The following PRKCA variants were observed in gnomAD, a reference collection of about 807,000 sequenced individuals.
PRKCA encodes protein kinase C alpha.
In PRKCA, 27 loss-of-function variants were observed where a neutral mutation model predicts 87.0. That is an observed-to-expected ratio of 0.31 (90% CI 0.23 to 0.43). The LOEUF (loss-of-function observed/expected upper bound fraction) is 0.43. PRKCA is among the 20% of genes least tolerant of loss of function. The pLI is 1.00. For missense variants in PRKCA, 518 were observed against 852.3 expected (o/e 0.61, Z 4.88); for synonymous variants, 329 against 311.1 (o/e 1.06, Z -0.61).
chr17:66,303,694 A>G (rs528339695), intron 1 of PRKCA, among the ~76,000 whole-genome samples: 1 of 152,224 alleles, frequency 6.6e-6, no homozygotes, highest in African/African-American at 2.4e-5. Flanking sequence ...ACAAGGGCAG[A>G]GGGACTCATT....
intron 3 of PRKCA, among the ~76,000 whole-genome samples, chr17:66,548,820 T>C (rs1968234106): frequency 1.3e-5 from 2 of 149,048 alleles, no homozygotes; most frequent in Admixed American, 6.7e-5. Context: ...TTTTTTTTTT[T>C]TGAAGCAGGC....
At chr17:66,303,155 CGCCCGGAGTGACACGCGCGCCCG>C (rs1897647654) in intron 1 of PRKCA, 131 bp downstream of exon 1, 1 of 1,263,168 alleles carries the variant, frequency 7.9e-7, no homozygotes, top group Admixed American at 2.9e-5. Context: ...CCGAACTCTT[CGCCCGGAGTGACACGCGCGCCCG>C]GCCCTGACAC....
chr17:66,592,581 A>G lies in PRKCA; in HGVS notation c.289-48774A>G, dbSNP rs532061296. Among the ~76,000 whole-genome samples, 3 of 152,304 alleles carry G rather than the reference A, an allele frequency of 2.0e-5. No homozygotes were observed. The South Asian group carries it at 6.2e-4, about 32-fold the overall frequency. Reference sequence around the variant, plus strand: ...ATGTACACAAAGAAAAGGAGATAAGATGACTTGGTCTGAGTGGCGTGGTAG... The same window carrying G: ...ATGTACACAAAGAAAAGGAGATAAGGTGACTTGGTCTGAGTGGCGTGGTAG... On this transcript the variant is annotated intron_variant, in intron 3 of 16. Transcript: ENST00000413366.
chr17:66,423,267 G>C (rs1912593538), intron 2 of PRKCA, among the ~76,000 whole-genome samples: 1 of 152,172 alleles, frequency 6.6e-6, no homozygotes, highest in South Asian at 2.1e-4. Context: ...ATGTCATCAA[G>C]CTGGTAGTAC....
At chr17:66,590,769 G>A (rs1210693873) in intron 3 of PRKCA, among the ~76,000 whole-genome samples, 2 of 152,092 alleles carry the variant, frequency 1.3e-5, no homozygotes, top group African/African-American at 4.8e-5. Flanking sequence ...AGAATCACTT[G>A]AACCCGGGAG....
intron 2 of PRKCA, among the ~76,000 whole-genome samples, chr17:66,454,850 G>T (rs75100786): frequency 0.023 from 3,450 of 152,336 alleles, 127 homozygotes; most frequent in African/African-American, 0.078. Flanking sequence ...AAGGTGGCCA[G>T]CCCCAGGGCA....
intron 3 of PRKCA, among the ~76,000 whole-genome samples, chr17:66,596,451 T>C (rs8072699): frequency 0.56 from 85,260 of 151,556 alleles, 25,063 homozygotes; most frequent in African/African-American, 0.73. Context: ...CATTACACCC[T>C]CCACATCCCC....
At chr17:66,396,641 T>TTA (rs1302374925) in intron 2 of PRKCA, among the ~76,000 whole-genome samples, 2 of 150,832 alleles carry the variant, frequency 1.3e-5, no homozygotes, top group African/African-American at 2.4e-5. Flanking sequence ...CTTTTTTTTT[T>TTA]TTTTCGTGAC....
chr17:66,398,769 T>C (rs1005227652), intron 2 of PRKCA, among the ~76,000 whole-genome samples: 2 of 152,184 alleles, frequency 1.3e-5, no homozygotes, highest in African/African-American at 2.4e-5. Flanking sequence ...TATGTTCTTT[T>C]GATAAGTAAA....
At chr17:66,641,550 T>TTTCAACACCAACTC in intron 4 of PRKCA, 84 bp downstream of exon 4, 1 of 854,292 alleles carries the variant, frequency 1.2e-6, no homozygotes, top group Non-Finnish European at 1.9e-6. Flanking sequence ...CTCAGTAACT[T>TTTCAACACCAACTC]TTCAACACCA....
At chr17:66,336,754 TTGTGTGTGTG>T (rs148842588) in intron 2 of PRKCA, among the ~76,000 whole-genome samples, 14,246 of 133,688 alleles carry the variant, frequency 0.11, 749 homozygotes, top group Non-Finnish European at 0.14. Flanking sequence ...GCAAATAAGT[TTGTGTGTGTG>T]TGTGTGTGTG....
At chr17:66,479,447 C>T (rs991087056) in intron 2 of PRKCA, among the ~76,000 whole-genome samples, 1 of 152,150 alleles carries the variant, frequency 6.6e-6, no homozygotes, top group African/African-American at 2.4e-5. Context: ...ACAGTATGGC[C>T]ATTCTTCAAA....
At chr17:66,778,241 C>T (rs902126253) in intron 14 of PRKCA, 16 of 979,170 alleles carry the variant, frequency 1.6e-5, no homozygotes, top group African/African-American at 8.8e-5. Flanking sequence ...TGGCTGGGCC[C>T]GGTGGCTCAC....
intron 5 of PRKCA, among the ~76,000 whole-genome samples, chr17:66,669,773 G>A (rs1389504463): frequency 6.6e-6 from 1 of 152,118 alleles, no homozygotes; most frequent in East Asian, 1.9e-4. Flanking sequence ...ATGGTGATGG[G>A]CGCCTGTAGT....
rs369282438 is a variant in PRKCA at position 66,773,968 on chromosome 17, T to C, written c.1525-19T>C. On this transcript the variant is annotated intron_variant, in intron 13 of 16. Coordinates refer to ENST00000413366, the MANE Select transcript of PRKCA (RefSeq NM_002737.3). ...TTGGACTTACCACTAATGTAATTGA[T>C]GTGTTTGTTTTCACACAGATAATCG... The C allele has an allele frequency of 3.4e-5, 55 of 1,613,706 alleles. No homozygotes were observed. The African/African-American group carries it at 5.2e-4, about 15-fold the overall frequency.
chr17:66,482,705 T>C (rs1598709651), intron 2 of PRKCA, among the ~76,000 whole-genome samples: 1 of 152,204 alleles, frequency 6.6e-6, no homozygotes. Flanking sequence ...CCAGCAGGTG[T>C]ATTAAGCAGA....
intron 3 of PRKCA, among the ~76,000 whole-genome samples, chr17:66,556,036 C>A (rs1335105383): frequency 6.6e-6 from 1 of 151,898 alleles, no homozygotes; most frequent in Non-Finnish European, 1.5e-5. Flanking sequence ...GGAAGCCATT[C>A]ATCCATCCAG....
At chr17:66,390,467 A>C (rs1382617653) in intron 2 of PRKCA, among the ~76,000 whole-genome samples, 1 of 152,084 alleles carries the variant, frequency 6.6e-6, no homozygotes, top group Non-Finnish European at 1.5e-5. Context: ...TTTAAGAAAC[A>C]CTCCATTTTA....
At chr17:66,723,667 G>A (rs1446806055) in intron 8 of PRKCA, among the ~76,000 whole-genome samples, 1 of 151,674 alleles carries the variant, frequency 6.6e-6, no homozygotes, top group Non-Finnish European at 1.5e-5. Flanking sequence ...CGACCAGGGT[G>A]GAGGGAATAA....
Sources: gnomAD v4.1 joint callset for allele counts (sites outside exome capture counted in the v4.1 genomes callset) on GRCh38, gnomAD v4.1.1 for gene constraint, MANE v1.5 for transcripts, NCBI Gene and HGNC (gene_info 2026-07-23, HGNC 2026-07-21) for gene names.